Variants in IGF2R observed in about 807,000 individuals in gnomAD.
IGF2R encodes the protein insulin like growth factor 2 receptor, also known as cation-independent mannose-6-phosphate receptor.
Under a neutral mutation model 270.6 loss-of-function variants are expected in IGF2R, and 91 were observed. The observed-to-expected ratio is 0.34, with a 90% CI of 0.28 to 0.40. The LOEUF (loss-of-function observed/expected upper bound fraction) is 0.40, where lower values mean the gene tolerates loss of function less well. Among genes scored for constraint, IGF2R ranks in the 10% least tolerant of loss-of-function variants. IGF2R has a pLI of 1.00. For missense variants in IGF2R, 2,805 were observed against 3,188.3 expected (o/e 0.88, Z 2.90); for synonymous variants, 1,316 against 1,258.9 (o/e 1.05, Z -0.96).
intron 43 of IGF2R, 44 bp from the exon 44 acceptor site, chr6:160,089,872 C>A: frequency 7.1e-7 from 1 of 1,401,242 alleles, no homozygotes. Context: ...TGAATGCCTT[C>A]TTGAAGGACT....
intron 1 of IGF2R, among the ~76,000 whole-genome samples, chr6:159,985,602 A>G (rs1432161626): frequency 6.6e-6 from 1 of 152,250 alleles, no homozygotes; most frequent in Non-Finnish European, 1.5e-5. Context: ...AGGAGGGAAG[A>G]CATTACTGTC....
intron 1 of IGF2R, among the ~76,000 whole-genome samples, chr6:159,975,786 T>C (rs949974986): frequency 3.9e-4 from 57 of 147,600 alleles, no homozygotes; most frequent in Middle Eastern, 7.2e-3. Flanking sequence ...TTATATATAA[T>C]ATATAATATA....
Position 160,061,946 on chromosome 6 carries a change from C to T in IGF2R, c.3582+18C>T. On this transcript the variant is annotated intron_variant, in intron 25 of 47. Coordinates refer to ENST00000356956, the MANE Select transcript of IGF2R (RefSeq NM_000876.4). ...AGATATCGGTGTGTGTTCAGACCAGCAATGAGATGTTGTCCCCGGGTGACT... is the reference window on the plus strand; with the variant it reads ...AGATATCGGTGTGTGTTCAGACCAGTAATGAGATGTTGTCCCCGGGTGACT... 1 of 1,610,080 alleles carries T rather than the reference C, an allele frequency of 6.2e-7. No homozygotes were observed. Among genetic ancestry groups the T allele is most frequent in the Non-Finnish European group, 8.5e-7 (1 of 1,176,560 alleles).
Position 160,073,227 on chromosome 6 carries a change from C to T in IGF2R, c.4705C>T (p.Gln1569Ter). Residue 1569 changes from glutamine to a stop codon, truncating the protein, a stop_gained, in exon 34 of 48, where the codon CAG becomes TAG. Coordinates refer to ENST00000356956, the MANE Select transcript of IGF2R (RefSeq NM_000876.4). LOFTEE classifies it high-confidence loss of function. ...TTGTGGTGCAGGGGCCTGCTTTGGA[C>T]AGACCAGGATTAGCGTGGGCAAGGC... Reference protein sequence around the residue: ...CPPGVGACFGQTRISVGKANK... With the variant: ...CPPGVGACFG 6.2e-7 allele frequency: 1 copy of T among 1,614,230 alleles called. No homozygotes were observed. The highest frequency in any genetic ancestry group is 8.5e-7 in the Non-Finnish European group (1 of 1,180,024).
rs550643581 is a variant in IGF2R, at chr6:160,019,659, A to G, written c.514-4913A>G. Among the ~76,000 whole-genome samples the G allele has an allele frequency of 8.5e-5, 13 of 152,348 alleles. No individual in the cohort carries two copies. In the South Asian group the frequency reaches 2.7e-3, roughly 32 times the overall value. On this transcript the variant is annotated intron_variant, in intron 4 of 47. Coordinates refer to ENST00000356956, the MANE Select transcript of IGF2R (RefSeq NM_000876.4). The stretch of plus-strand genomic sequence containing the variant: ...TATTCCAGGGTTGCAAGGATGGTTC[A>G]GTGTATGCAAATCAATAAATGTGAT...
At chr6:160,089,826 C>T (rs1779179653) in intron 43 of IGF2R, 90 bp from the exon 44 acceptor site, 2 of 861,612 alleles carry the variant, frequency 2.3e-6, no homozygotes, top group Non-Finnish European at 3.4e-6. Context: ...CATCCTGGGG[C>T]CCTGCAGTGA....
intron 1 of IGF2R, among the ~76,000 whole-genome samples, chr6:159,988,869 G>C (rs1583244428): frequency 6.6e-6 from 1 of 152,146 alleles, no homozygotes; most frequent in African/African-American, 2.4e-5. Context: ...CCCGCAGTAA[G>C]TACTTAAGAA....
chr6:160,068,425 G>C (rs1208584534), intron 30 of IGF2R, 40 bp downstream of exon 30: 1 of 1,609,346 alleles, frequency 6.2e-7, no homozygotes, highest in Admixed American at 1.7e-5. Flanking sequence ...TTTGCAGTGA[G>C]TGTATCACAG....
intron 21 of IGF2R, among the ~76,000 whole-genome samples, chr6:160,058,577 T>C (rs766095171): frequency 2.6e-5 from 4 of 152,238 alleles, no homozygotes; most frequent in Non-Finnish European, 4.4e-5. Flanking sequence ...TTTCTCATAA[T>C]TGAAAATATT....
intron 39 of IGF2R, 142 bp downstream of exon 39, chr6:160,080,417 C>T: frequency 2.3e-6 from 2 of 855,734 alleles, no homozygotes; most frequent in Non-Finnish European, 3.5e-6. Flanking sequence ...GGGCTGTTTC[C>T]CACAGAGAAA....
At chr6:160,072,715 A>G in intron 32 of IGF2R, 50 bp from the exon 33 acceptor site, 1 of 1,612,466 alleles carries the variant, frequency 6.2e-7, no homozygotes, top group Non-Finnish European at 8.5e-7. Context: ...GAGCCTCCCA[A>G]GTCTCAGCTC....
chr6:160,099,722 CCATAGTCGCTTCACGGAA>C (rs1779441826), intron 45 of IGF2R, among the ~76,000 whole-genome samples: 1 of 152,138 alleles, frequency 6.6e-6, no homozygotes, highest in Non-Finnish European at 1.5e-5. Flanking sequence ...CGAGGACCTC[CCATAGTCGCTTCACGGAA>C]GGTTGCAGTT....
intron 2 of IGF2R, among the ~76,000 whole-genome samples, chr6:159,992,207 T>C (rs1006849630): frequency 3.3e-5 from 5 of 152,214 alleles, no homozygotes; most frequent in African/African-American, 1.2e-4. Context: ...GGTAGCTCTG[T>C]CATTTTCTTT....
At chr6:160,103,070 G>T (rs767095492) in intron 46 of IGF2R, among the ~76,000 whole-genome samples, 1 of 152,046 alleles carries the variant, frequency 6.6e-6, no homozygotes, top group Admixed American at 6.6e-5. Flanking sequence ...ATCCTTTTGC[G>T]CCACTTTGCT....
At chr6:160,100,428 C>T (rs143205945) in intron 45 of IGF2R, among the ~76,000 whole-genome samples, 1 of 152,116 alleles carries the variant, frequency 6.6e-6, no homozygotes, top group African/African-American at 2.4e-5. Flanking sequence ...GGCTAATTTC[C>T]TAGGAAGATA....
rs1238889148 is a variant in IGF2R at position 159,991,241 on chromosome 6, T to C, written c.207T>C (p.Cys69=). The C allele has an allele frequency of 6.2e-7, 1 of 1,613,634 alleles. No individual in the cohort carries two copies. The change falls in exon 2 of 48, where the codon TGT becomes TGC. Residue 69 remains cysteine (C), a synonymous_variant. Coordinates refer to ENST00000356956, the MANE Select transcript of IGF2R (RefSeq NM_000876.4). ...KNNVLYKINI[C]GSVDIVQCGP... is the part of the protein sequence containing the mutation. ...ATGTACTTTATAAAATCAACATCTG[T>C]GGAAGTGTGGATATTGTCCAGTGCG...
intron 39 of IGF2R, among the ~76,000 whole-genome samples, chr6:160,081,526 G>A (rs1778982010): frequency 6.6e-6 from 1 of 152,206 alleles, no homozygotes; most frequent in Admixed American, 6.5e-5. Context: ...CACATTGTGA[G>A]GGTTCAAGAG....
In IGF2R at chr6:160,032,616, T is replaced by C. The variant is rs769634271; in HGVS notation, c.948T>C (p.Tyr316=). ...ATGAAATTGAGTGGATTACTGAGTA[T>C]GCCTGCCACAGAGATTACCTGGAAA... is the stretch of plus-strand genomic sequence containing the variant. ...CRYEIEWITE[Y]ACHRDYLESK... is the part of the protein sequence containing the mutation. The change falls in exon 8 of 48, where the codon TAT becomes TAC. Residue 316 remains tyrosine, a synonymous_variant. Coordinates refer to ENST00000356956, the MANE Select transcript of IGF2R (RefSeq NM_000876.4). 1.9e-6 allele frequency: 3 copies of C among 1,614,098 alleles called. No homozygotes were observed. The highest frequency in any genetic ancestry group is 2.5e-6 in the Non-Finnish European group (3 of 1,180,030).
At chr6:160,030,615 C>A (rs1777673638) in intron 7 of IGF2R, among the ~76,000 whole-genome samples, 1 of 151,964 alleles carries the variant, frequency 6.6e-6, no homozygotes. Flanking sequence ...GAGTTGAAAT[C>A]TTTTAAGCCC....
Sources: gnomAD v4.1 joint callset for allele counts (sites outside exome capture counted in the v4.1 genomes callset) on GRCh38, gnomAD v4.1.1 for gene constraint, MANE v1.5 for transcripts, NCBI Gene and HGNC (gene_info 2026-07-23, HGNC 2026-07-21) for gene names.